The following CRACDL variants were observed in gnomAD, a reference collection of about 807,000 sequenced individuals.
CRACDL encodes CRACD like.
A neutral mutation model predicts 70.6 loss-of-function variants in CRACDL; 26 were observed. That is an observed-to-expected ratio of 0.37 (90% CI 0.27 to 0.51). CRACDL has a LOEUF of 0.51. Ranked by LOEUF, CRACDL falls within the 20% of genes least tolerant of loss-of-function variation. The pLI is 0.94. For synonymous variants in CRACDL, 618 were observed against 615.2 expected (o/e 1.00, Z -0.07); for missense variants, 1,283 against 1,376.9 (o/e 0.93, Z 1.08).
At chr2:98,886,214 G>A (rs1047469911) in intron 1 of CRACDL, among the ~76,000 whole-genome samples, 2 of 152,188 alleles carry the variant, frequency 1.3e-5, no homozygotes, top group African/African-American at 4.8e-5. Flanking sequence ...GACCTGGCTG[G>A]TGGTTCCCTG....
chr2:98,886,164 G>GA (rs1452728227), intron 1 of CRACDL, among the ~76,000 whole-genome samples: 1 of 152,206 alleles, frequency 6.6e-6, no homozygotes, highest in Non-Finnish European at 1.5e-5. Context: ...CTGGGTTGAA[G>GA]ATTCTTCAAA....
chr2:98,816,858 T>C (rs544602360), intron 7 of CRACDL, among the ~76,000 whole-genome samples: 2 of 152,314 alleles, frequency 1.3e-5, no homozygotes, highest in South Asian at 4.1e-4. Context: ...TGTGGGTATA[T>C]ACCCAAAATA....
chr2:98,889,051 C>T (rs979422832), intron 1 of CRACDL, among the ~76,000 whole-genome samples: 2 of 149,978 alleles, frequency 1.3e-5, no homozygotes, highest in Non-Finnish European at 3.0e-5. Flanking sequence ...TCGCTTGAAT[C>T]TGGGAGACAG....
chr2:98,848,827 A>G (rs1467091272), intron 1 of CRACDL, among the ~76,000 whole-genome samples: 1 of 152,164 alleles, frequency 6.6e-6, no homozygotes, highest in Non-Finnish European at 1.5e-5. Context: ...AGCTCAAGCA[A>G]TCTGCTTGCC....
At chr2:98,920,867 A>G (rs1490033907) in intron 1 of CRACDL, among the ~76,000 whole-genome samples, 1 of 152,228 alleles carries the variant, frequency 6.6e-6, no homozygotes, top group Non-Finnish European at 1.5e-5. Flanking sequence ...TGCTGTGCCC[A>G]CAGCTGCAGC....
chr2:98,812,998 TTTAAG>T (rs1429816982), intron 7 of CRACDL, among the ~76,000 whole-genome samples: 3 of 152,244 alleles, frequency 2.0e-5, no homozygotes, highest in Non-Finnish European at 4.4e-5. Context: ...TCATTTTACA[TTTAAG>T]TCCATGACCC....
At chr2:98,906,322 C>G (rs911736005) in intron 1 of CRACDL, among the ~76,000 whole-genome samples, 1 of 148,254 alleles carries the variant, frequency 6.7e-6, no homozygotes, top group Non-Finnish European at 1.5e-5. Context: ...AGTGCAGTGG[C>G]GCAATCTTGG....
intron 5 of CRACDL, among the ~76,000 whole-genome samples, chr2:98,829,732 T>C (rs1010329488): frequency 6.6e-6 from 1 of 152,028 alleles, no homozygotes; most frequent in Non-Finnish European, 1.5e-5. Context: ...CGGCCCTGAG[T>C]GACAGGTGCT....
intron 1 of CRACDL, among the ~76,000 whole-genome samples, chr2:98,877,625 T>C (rs1019214232): frequency 4.6e-5 from 7 of 152,018 alleles, no homozygotes; most frequent in African/African-American, 9.7e-5. Flanking sequence ...GGCGGGTGCC[T>C]ATAGTCCCAG....
intron 1 of CRACDL, among the ~76,000 whole-genome samples, chr2:98,883,270 C>T (rs2104619910): frequency 6.6e-6 from 1 of 152,320 alleles, no homozygotes; most frequent in South Asian, 2.1e-4. Flanking sequence ...CAGAAGGCTC[C>T]ATGCCAACCC....
In CRACDL at chr2:98,853,330, C is replaced by A. The variant is rs141162601; in HGVS notation, c.-10-6520G>T. Reference sequence around the variant, plus strand: ...GGATAAGAAAAGCCAACAGAATAGTCTCTTTAAAGTGCTGATAGAAAACAA... The same window carrying A: ...GGATAAGAAAAGCCAACAGAATAGTATCTTTAAAGTGCTGATAGAAAACAA... On this transcript the variant is annotated intron_variant, in intron 1 of 9. Coordinates refer to ENST00000397899, the MANE Select transcript of CRACDL (RefSeq NM_207362.3). Among the ~76,000 whole-genome samples, 122 of 152,274 alleles carry A rather than the reference C, an allele frequency of 8.0e-4. 1 individual carries two copies. Among genetic ancestry groups the A allele is most frequent in the African/African-American group, 2.8e-3 (117 of 41,550 alleles).
Position 98,832,343 on chromosome 2 carries a change from C to G in CRACDL, c.540+5G>C, listed in dbSNP as rs1705577429. 2 of 1,614,038 alleles carry G rather than the reference C, an allele frequency of 1.2e-6. No homozygotes were observed. The highest frequency in any genetic ancestry group is 2.7e-5 in the African/African-American group (2 of 74,906). On this transcript the variant is annotated splice_donor_5th_base_variant and intron_variant, in intron 5 of 9. Coordinates refer to ENST00000397899, the MANE Select transcript of CRACDL (RefSeq NM_207362.3). ...AAGACATGCAGTGGTACAGGCCGCA[C>G]TTGCCTTTATGGTGGTACCAGGACC...
Position 98,822,389 on chromosome 2 carries a change from GC to G in CRACDL, c.1883del (p.Gly628AlafsTer76). 1 of 1,479,190 alleles carries G rather than the reference GC, an allele frequency of 6.8e-7. No individual in the cohort carries two copies. Among genetic ancestry groups the G allele is most frequent in the Non-Finnish European group, 8.9e-7 (1 of 1,123,822 alleles). 91.6% of individuals were successfully genotyped at this position (1,479,190 alleles called of 1,614,324 possible). On this transcript the variant is annotated frameshift_variant, in exon 7 of 10. Coordinates refer to ENST00000397899, the MANE Select transcript of CRACDL (RefSeq NM_207362.3). LOFTEE classifies it high-confidence loss of function. The surrounding 1 kb of genome is among the most constrained non-coding windows in gnomAD (Gnocchi z 4.9). ...GGCCGCGCTCCGCCAGCTTCCGAGGGCCAGGTTTCGCGTGCTGGGGCTCGGG... is the reference window on the plus strand; with the variant it reads ...GGCCGCGCTCCGCCAGCTTCCGAGGGCAGGTTTCGCGTGCTGGGGCTCGGG... ...GLPEPQHAKP[G>X]PRKLAERGPQ...
chr2:98,926,947 G>A (rs539635644), intron 1 of CRACDL, among the ~76,000 whole-genome samples: 2 of 152,288 alleles, frequency 1.3e-5, no homozygotes, highest in South Asian at 4.1e-4. Flanking sequence ...CTCAGCTAGG[G>A]CGGGTCTCCA....
chr2:98,928,283 G>A (rs1019675982), intron 1 of CRACDL, among the ~76,000 whole-genome samples: 2 of 152,172 alleles, frequency 1.3e-5, no homozygotes, highest in Non-Finnish European at 2.9e-5. Flanking sequence ...GCGCATATAC[G>A]TATGTATGTA....
chr2:98,816,684 T>A (rs1399386712), intron 7 of CRACDL, among the ~76,000 whole-genome samples: 8 of 152,078 alleles, frequency 5.3e-5, no homozygotes, highest in Non-Finnish European at 7.4e-5. Context: ...CTGGGTGACA[T>A]GCAAGGTTAA....
At chr2:98,932,442 T>C (rs1211173513) in intron 1 of CRACDL, among the ~76,000 whole-genome samples, 1 of 152,224 alleles carries the variant, frequency 6.6e-6, no homozygotes, top group East Asian at 1.9e-4. Context: ...GGGCTCATCT[T>C]ATTCACCAGA....
intron 5 of CRACDL, among the ~76,000 whole-genome samples, chr2:98,828,389 A>G (rs1186654180): frequency 1.3e-5 from 2 of 152,238 alleles, no homozygotes; most frequent in East Asian, 3.8e-4. Flanking sequence ...ATAGAGTTTT[A>G]TTCACACAAC....
chr2:98,840,659 CT>C (rs1705990061), intron 2 of CRACDL: 1 of 152,154 alleles, frequency 6.6e-6, no homozygotes, highest in South Asian at 2.1e-4. Flanking sequence ...CACTTTACAA[CT>C]TTATTTGTTG....
Sources: allele counts gnomAD v4.1 joint callset (sites outside exome capture counted in the v4.1 genomes callset), GRCh38; gene constraint gnomAD v4.1.1; non-coding constraint Gnocchi (gnomAD v3.1); transcripts MANE v1.5; gene names NCBI Gene and HGNC (gene_info 2026-07-23, HGNC 2026-07-21).